Variants in ZC3H12D observed in about 807,000 individuals in gnomAD.
ZC3H12D encodes the protein zinc finger CCCH-type containing 12D.
Under a neutral mutation model 24.2 loss-of-function variants are expected in ZC3H12D, and 11 were observed. The ratio of observed to expected loss-of-function variants is 0.46; its 90% CI spans 0.29 to 0.75. ZC3H12D has a LOEUF of 0.75. Among genes scored for constraint, ZC3H12D ranks in the 30% least tolerant of loss-of-function variants. ZC3H12D has a pLI of 0.11. For missense variants in ZC3H12D, 740 were observed against 767.7 expected (o/e 0.96, Z 0.43); for synonymous variants, 333 against 341.8 (o/e 0.97, Z 0.28).
In ZC3H12D at chr6:149,450,974, C is replaced by T. The variant is rs765253791; in HGVS notation, c.1293G>A (p.Arg431=). 2.6e-5 allele frequency: 39 copies of T among 1,520,894 alleles called. No homozygotes were observed. The highest frequency in any genetic ancestry group is 3.7e-4 in the Middle Eastern group (2 of 5,346). 94.2% of individuals were successfully genotyped at this position (1,520,894 alleles called of 1,614,324 possible). A position where few individuals can be genotyped will look rare whatever the true frequency, so the allele number is the denominator to read the frequency against. ...DLHGDLLSPR[R]PPDDPWARPP... ...GACGGGCCCACGGGTCGTCGGGTGG[C>T]CTGCGCGGGGAAAGCAAGTCGCCGT... Residue 431 remains arginine (R), a synonymous_variant, in exon 6 of 6, where the codon AGG becomes AGA. Coordinates refer to ENST00000409806, the MANE Select transcript of ZC3H12D (RefSeq NM_207360.3).
chr6:149,462,675 T>A (rs1776092543), intron 2 of ZC3H12D, among the ~76,000 whole-genome samples: 1 of 152,232 alleles, frequency 6.6e-6, no homozygotes, highest in Admixed American at 6.5e-5. Flanking sequence ...GGGCACCATC[T>A]AATCAACTGC....
Position 149,448,791 on chromosome 6 carries a change from T to C in ZC3H12D, c.*1892A>G, listed in dbSNP as rs1775829314. The C allele has an allele frequency of 6.6e-6, 1 of 152,198 alleles. No individual in the cohort carries two copies. Among genetic ancestry groups the C allele is most frequent in the Non-Finnish European group, 1.5e-5 (1 of 68,034 alleles). The allele number at this position is 152,198 out of a possible 1,614,324, so 9.4% of individuals were successfully genotyped here. A position where few individuals can be genotyped will look rare whatever the true frequency, so the allele number is the denominator to read the frequency against. On this transcript the variant is annotated 3_prime_UTR_variant, in exon 6 of 6. Transcript: ENST00000409806. The stretch of plus-strand genomic sequence containing the variant: ...ATCACTGTATGCCCCAGGGGTGTCA[T>C]TTACCATGAATGAAAGGGCTGGGAA...
intron 4 of ZC3H12D, among the ~76,000 whole-genome samples, chr6:149,454,031 A>G (rs1775941388): frequency 6.6e-6 from 1 of 152,214 alleles, no homozygotes; most frequent in Non-Finnish European, 1.5e-5. Flanking sequence ...AGGGAGTTTG[A>G]ATCAGTGAGG....
rs1775839309 is a variant in ZC3H12D at position 149,449,417 on chromosome 6, CAGAG to C, written c.*1262_*1265del. On this transcript the variant is annotated 3_prime_UTR_variant, in exon 6 of 6. Coordinates refer to ENST00000409806, the MANE Select transcript of ZC3H12D (RefSeq NM_207360.3). ...TATGATCACACTACTATACTCCAGA[CAGAG>C]TGACAGAGTGAGACTCTGTCTTTTT... The C allele has an allele frequency of 6.6e-6, 1 of 151,876 alleles. No individual in the cohort carries two copies. The highest frequency in any genetic ancestry group is 1.5e-5 in the Non-Finnish European group (1 of 68,048). 9.4% of individuals were successfully genotyped at this position (151,876 alleles called of 1,614,324 possible).
chr6:149,461,656 TGCTA>T, intron 3 of ZC3H12D, 171 bp downstream of exon 3: 1 of 605,968 alleles, frequency 1.7e-6, no homozygotes, highest in Non-Finnish European at 2.7e-6. Flanking sequence ...AGGTGCTAGG[TGCTA>T]GGGCTATGGC....
At position 149,456,630 on chromosome 6, in the gene ZC3H12D, C is replaced by CCCCCCCCCCGGGGGGGGGG; in HGVS notation, c.680+35_680+36insCCCCCCCCCCGGGGGGGGG. 1 of 1,426,540 alleles carries CCCCCCCCCCGGGGGGGGGG rather than the reference C, an allele frequency of 7.0e-7. No homozygotes were observed. The highest frequency in any genetic ancestry group is 9.8e-7 in the Non-Finnish European group (1 of 1,016,150). The allele number at this position is 1,426,540 out of a possible 1,614,324, so 88.4% of individuals were successfully genotyped here. ...CCTCGACCCCGGCCCCCCGCCCCGC[C>CCCCCCCCCCGGGGGGGGGG]GCCCCCCAGGGTGTCAGGACCCCAG... On this transcript the variant is annotated intron_variant, in intron 4 of 5. Coordinates refer to ENST00000409806, the MANE Select transcript of ZC3H12D (RefSeq NM_207360.3). This position sits in a 1 kb window ranked among gnomAD's most constrained non-coding sequence, Gnocchi z 4.3.
At position 149,452,827 on chromosome 6, in the gene ZC3H12D, C is replaced by T. The variant is rs992750886; in HGVS notation, c.681-105G>A. On this transcript the variant is annotated intron_variant, in intron 4 of 5. Coordinates refer to ENST00000409806, the MANE Select transcript of ZC3H12D (RefSeq NM_207360.3). The surrounding 1 kb of genome is among the most constrained non-coding windows in gnomAD (Gnocchi z 4.0). Reference sequence around the variant, plus strand: ...TTCCCCAAGAACACCAGGAAGCATTCGGCCCCGGGCCCACCATCACCCAGC... The same window carrying T: ...TTCCCCAAGAACACCAGGAAGCATTTGGCCCCGGGCCCACCATCACCCAGC... 2.9e-5 allele frequency: 29 copies of T among 984,306 alleles called. No homozygotes were observed. The highest frequency in any genetic ancestry group is 4.1e-5 in the Non-Finnish European group (27 of 656,706). 61.0% of individuals were successfully genotyped at this position (984,306 alleles called of 1,614,324 possible).
chr6:149,455,040 T>A (rs1199799714), intron 4 of ZC3H12D, among the ~76,000 whole-genome samples: 2 of 152,156 alleles, frequency 1.3e-5, no homozygotes, highest in East Asian at 1.9e-4. Flanking sequence ...AGAGGTGACA[T>A]TATTAATCCC....
intron 2 of ZC3H12D, among the ~76,000 whole-genome samples, chr6:149,464,317 A>G (rs1776119085): frequency 6.6e-6 from 1 of 152,226 alleles, no homozygotes; most frequent in Non-Finnish European, 1.5e-5. Flanking sequence ...AGACTCAGTC[A>G]GTGGGGTCAG....
chr6:149,456,637 CAG>C lies in ZC3H12D; in HGVS notation c.680+27_680+28del. 31 of 1,554,692 alleles carry C rather than the reference CAG, an allele frequency of 2.0e-5. No homozygotes were observed. The highest frequency in any genetic ancestry group is 2.3e-5 in the East Asian group (1 of 44,214). ...CCCGGCCCCCCGCCCCGCCGCCCCC[CAG>C]GGTGTCAGGACCCCAGCCGGACCTA... On this transcript the variant is annotated intron_variant, in intron 4 of 5. Coordinates refer to ENST00000409806, the MANE Select transcript of ZC3H12D (RefSeq NM_207360.3). The surrounding 1 kb of genome is among the most constrained non-coding windows in gnomAD (Gnocchi z 4.3).
rs368705273 is a variant in ZC3H12D, at chr6:149,455,954, TA to T, written c.680+711del. Among the ~76,000 whole-genome samples, 260 of 141,724 alleles carry T rather than the reference TA, an allele frequency of 1.8e-3. 1 individual carries two copies. Among genetic ancestry groups the T allele is most frequent in the Admixed American group, 3.2e-3 (45 of 14,148 alleles). The allele number at this position is 141,724 out of a possible 152,430, so 93.0% of individuals were successfully genotyped here. A position where few individuals can be genotyped will look rare whatever the true frequency, so the allele number is the denominator to read the frequency against. ...CCATATGTAATTCAAAATTTTGATT[TA>T]AAAAAAAAAAAAAGACAGCCAGGCA... On this transcript the variant is annotated intron_variant, in intron 4 of 5. Coordinates refer to ENST00000409806, the MANE Select transcript of ZC3H12D (RefSeq NM_207360.3).
intron 3 of ZC3H12D, 90 bp downstream of exon 3, chr6:149,461,741 A>G (rs1776075552): frequency 7.3e-7 from 1 of 1,373,176 alleles, no homozygotes; most frequent in Non-Finnish European, 9.8e-7. Flanking sequence ...CATTAAACAA[A>G]CAACTAAGTA....
At position 149,454,610 on chromosome 6, in the gene ZC3H12D, A is replaced by T. The variant is rs367903361; in HGVS notation, c.681-1888T>A. Reference sequence around the variant, plus strand: ...GAGCTGTGCCAAGAGGGCCCTGTGGACGTGCCCGGGGCACCAGGGCAGGCG... The same window carrying T: ...GAGCTGTGCCAAGAGGGCCCTGTGGTCGTGCCCGGGGCACCAGGGCAGGCG... On this transcript the variant is annotated intron_variant, in intron 4 of 5. Coordinates refer to ENST00000409806, the MANE Select transcript of ZC3H12D (RefSeq NM_207360.3). Among the ~76,000 whole-genome samples, 10 of 152,350 alleles carry T rather than the reference A, an allele frequency of 6.6e-5. 1 individual carries two copies. Among genetic ancestry groups the T allele is most frequent in the Admixed American group, 5.2e-4 (8 of 15,310 alleles).
intron 4 of ZC3H12D, among the ~76,000 whole-genome samples, chr6:149,455,199 C>T (rs1021131500): frequency 6.6e-6 from 1 of 152,170 alleles, no homozygotes; most frequent in Non-Finnish European, 1.5e-5. Context: ...GTCCCTGGGT[C>T]CAGAGTCAGC....
Position 149,452,521 on chromosome 6 carries a change from C to T in ZC3H12D, c.787+95G>A, listed in dbSNP as rs1316363341. 6 of 1,062,118 alleles carry T rather than the reference C, an allele frequency of 5.6e-6. No homozygotes were observed. Among genetic ancestry groups the T allele is most frequent in the East Asian group, 3.0e-5 (1 of 32,838 alleles). The allele number at this position is 1,062,118 out of a possible 1,614,324, so 65.8% of individuals were successfully genotyped here. A position where few individuals can be genotyped will look rare whatever the true frequency, so the allele number is the denominator to read the frequency against. On this transcript the variant is annotated intron_variant, in intron 5 of 5. Transcript: ENST00000409806. The surrounding 1 kb of genome is among the most constrained non-coding windows in gnomAD (Gnocchi z 4.0). Reference sequence around the variant, plus strand: ...GCAGAACTTGGGCAAGAGCCCAGGCCGCTGAGCACCAGGCCAGCGCTTTTT... The same window carrying T: ...GCAGAACTTGGGCAAGAGCCCAGGCTGCTGAGCACCAGGCCAGCGCTTTTT...
chr6:149,449,925 C>CTGCGTGTGTGTGTGTGTT lies in ZC3H12D; in HGVS notation c.*757_*758insAACACACACACACACGCA, dbSNP rs61206923. 6.9e-6 allele frequency: 1 copy of CTGCGTGTGTGTGTGTGTT among 143,990 alleles called. No homozygotes were observed. The highest frequency in any genetic ancestry group is 2.6e-5 in the African/African-American group (1 of 38,244). The allele number at this position is 143,990 out of a possible 1,614,324, so 8.9% of individuals were successfully genotyped here. A position where few individuals can be genotyped will look rare whatever the true frequency, so the allele number is the denominator to read the frequency against. On this transcript the variant is annotated 3_prime_UTR_variant, in exon 6 of 6. Transcript: ENST00000409806. ...TGTGAGTATGTACATGTATGATAGACTGTGTGTGTGTGTGTGTGTGTGTGT... is the reference window on the plus strand; with the variant it reads ...TGTGAGTATGTACATGTATGATAGACTGCGTGTGTGTGTGTGTTTGTGTGTGTGTGTGTGTGTGTGTGT...
intron 3 of ZC3H12D, chr6:149,459,676 T>C (rs1262399610): frequency 1.4e-6 from 1 of 717,958 alleles, no homozygotes; most frequent in Non-Finnish European, 2.6e-6. Flanking sequence ...CCCATCCCTA[T>C]CCCTATAAAG....
Position 149,474,260 on chromosome 6 carries a change from T to A in ZC3H12D, c.284A>T (p.Asp95Val). ...CTACCTCATCGCCACGTTGCTGCCATCAATCACTATGGGTCGCAGAGAACT... is the reference window on the plus strand; with the variant it reads ...CTACCTCATCGCCACGTTGCTGCCAACAATCACTATGGGTCGCAGAGAACT... ...LASSLRPIVIDGSNVAMSHGN... is the reference protein window; with the variant it reads ...LASSLRPIVIVGSNVAMSHGN... Residue 95 changes from aspartate (D) to valine (V), a missense_variant, in exon 2 of 6, where the codon GAT becomes GTT. Asp to Val is a radical substitution (Grantham distance 152). Coordinates refer to ENST00000409806, the MANE Select transcript of ZC3H12D (RefSeq NM_207360.3). 1 of 1,487,210 alleles carries A rather than the reference T, an allele frequency of 6.7e-7. No individual in the cohort carries two copies. Among genetic ancestry groups the A allele is most frequent in the Non-Finnish European group, 9.0e-7 (1 of 1,108,878 alleles). The allele number at this position is 1,487,210 out of a possible 1,614,324, so 92.1% of individuals were successfully genotyped here.
rs1186165886 is a variant in ZC3H12D at position 149,448,405 on chromosome 6, C to T, written c.*2278G>A. Reference sequence around the variant, plus strand: ...CAAAAAATAGAAAAAATTAGCTGGACGTGGTGGCACAACTGTAGTCCCAGC... The same window carrying T: ...CAAAAAATAGAAAAAATTAGCTGGATGTGGTGGCACAACTGTAGTCCCAGC... On this transcript the variant is annotated 3_prime_UTR_variant, in exon 6 of 6. Coordinates refer to ENST00000409806, the MANE Select transcript of ZC3H12D (RefSeq NM_207360.3). 1 of 151,834 alleles carries T rather than the reference C, an allele frequency of 6.6e-6. No individual in the cohort carries two copies. The highest frequency in any genetic ancestry group is 2.4e-5 in the African/African-American group (1 of 41,292). 9.4% of individuals were successfully genotyped at this position (151,834 alleles called of 1,614,324 possible).
Sources: gnomAD v4.1 joint callset for allele counts (sites outside exome capture counted in the v4.1 genomes callset) on GRCh38, gnomAD v4.1.1 for gene constraint, Gnocchi (gnomAD v3.1) non-coding constraint, MANE v1.5 for transcripts, NCBI Gene and HGNC (gene_info 2026-07-23, HGNC 2026-07-21) for gene names.